Variants in HUNK observed in about 807,000 individuals in gnomAD.
HUNK encodes hormonally up-regulated neu tumor-associated kinase.
In HUNK, 21 loss-of-function variants were observed where a neutral mutation model predicts 61.0. That is an observed-to-expected ratio of 0.34 (90% CI 0.24 to 0.50). The LOEUF is 0.50. HUNK is among the 20% of genes least tolerant of loss of function. The probability of loss-of-function intolerance (pLI) is 0.98; values close to 1 mark genes in which losing one functional copy is unlikely to be tolerated. For missense variants in HUNK, 772 were observed against 945.7 expected (o/e 0.82, Z 2.41); for synonymous variants, 371 against 386.1 (o/e 0.96, Z 0.46).
chr21:31,911,937 C>CT (rs2052548624), intron 1 of HUNK, among the ~76,000 whole-genome samples: 7 of 96 alleles, frequency 0.073, no homozygotes, highest in South Asian at 0.38. Flanking sequence ...GGACGATAGT[C>CT]ACTGCCTTGG....
Position 32,000,571 on chromosome 21 carries a change from G to C in HUNK, c.*1387G>C, listed in dbSNP as rs2053239546. The C allele has an allele frequency of 7.5e-6, 3 of 399,166 alleles. No individual in the cohort carries two copies. Among genetic ancestry groups the C allele is most frequent in the Non-Finnish European group, 1.3e-5 (3 of 226,134 alleles). 24.7% of individuals were successfully genotyped at this position (399,166 alleles called of 1,614,324 possible). ...GGATAGGGGTTAGTGTAGGAGACCA[G>C]TTACAGAATGGCCTGGAGTCTTCAA... On this transcript the variant is annotated 3_prime_UTR_variant, in exon 11 of 11. Transcript: ENST00000270112.
intron 1 of HUNK, among the ~76,000 whole-genome samples, chr21:31,898,013 G>C (rs1205706858): frequency 6.6e-6 from 1 of 152,192 alleles, no homozygotes; most frequent in East Asian, 1.9e-4. Context: ...ACGTGGAGTA[G>C]GGATGCATTG....
chr21:31,879,191 T>C (rs2052287822), intron 1 of HUNK, among the ~76,000 whole-genome samples: 2 of 152,174 alleles, frequency 1.3e-5, no homozygotes, highest in South Asian at 4.1e-4. Context: ...AACAAACAGG[T>C]GCTAAATCCT....
intron 6 of HUNK, 184 bp from the exon 7 acceptor site, chr21:31,974,371 A>G (rs1016873912): frequency 1.0e-5 from 5 of 483,212 alleles, no homozygotes; most frequent in African/African-American, 9.9e-5. Flanking sequence ...TATCTAGATG[A>G]TGGTATACAT....
intron 8 of HUNK, among the ~76,000 whole-genome samples, chr21:31,989,264 A>G (rs1339402795): frequency 1.3e-5 from 2 of 152,236 alleles, no homozygotes; most frequent in African/African-American, 4.8e-5. Flanking sequence ...ACTTTAACCT[A>G]TGAATTTTAG....
intron 1 of HUNK, among the ~76,000 whole-genome samples, chr21:31,920,394 G>A (rs868278843): frequency 1.3e-5 from 2 of 152,182 alleles, no homozygotes; most frequent in African/African-American, 4.8e-5. Context: ...AACTATAATT[G>A]TGTACTCTGT....
At position 31,899,609 on chromosome 21, in the gene HUNK, A is replaced by T. The variant is rs568910714; in HGVS notation, c.262-24859A>T. 3.9e-5 allele frequency among the ~76,000 whole-genome samples: 6 copies of T among 152,250 alleles called. No individual in the cohort carries two copies. The South Asian group carries it at 1.2e-3, about 32-fold the overall frequency. ...TAGGACTTCAATGTATCTTTATGGG[A>T]AACCCAATTTAACCTATAATGTGTT... On this transcript the variant is annotated intron_variant, in intron 1 of 10. Transcript: ENST00000270112.
chr21:31,942,845 G>A (rs914467260), intron 3 of HUNK, among the ~76,000 whole-genome samples: 6 of 150,414 alleles, frequency 4.0e-5, no homozygotes, highest in East Asian at 2.0e-4. Flanking sequence ...AGTGGAAACT[G>A]AGGAACCCTA....
At chr21:31,876,967 C>G (rs940159162) in intron 1 of HUNK, among the ~76,000 whole-genome samples, 7 of 152,094 alleles carry the variant, frequency 4.6e-5, no homozygotes, top group Non-Finnish European at 1.0e-4. Flanking sequence ...ATAAAGGATC[C>G]ATTCCACATT....
At chr21:31,956,375 G>T (rs1336743945) in intron 4 of HUNK, among the ~76,000 whole-genome samples, 1 of 152,136 alleles carries the variant, frequency 6.6e-6, no homozygotes, top group Non-Finnish European at 1.5e-5. Context: ...GTGCCAGAAG[G>T]TTTCCATCCA....
intron 7 of HUNK, among the ~76,000 whole-genome samples, chr21:31,977,492 A>G (rs1422053558): frequency 6.6e-6 from 1 of 152,172 alleles, no homozygotes; most frequent in Non-Finnish European, 1.5e-5. Context: ...AGTTCCAAAC[A>G]TTTTTCTTTT....
At chr21:31,898,519 G>A (rs780375022) in intron 1 of HUNK, among the ~76,000 whole-genome samples, 3 of 152,116 alleles carry the variant, frequency 2.0e-5, no homozygotes, top group Non-Finnish European at 4.4e-5. Context: ...TGCCCACCTC[G>A]GCTTCCCAAA....
intron 8 of HUNK, among the ~76,000 whole-genome samples, chr21:31,988,793 C>T (rs976085417): frequency 4.8e-5 from 7 of 147,364 alleles, no homozygotes; most frequent in Non-Finnish European, 1.0e-4. Flanking sequence ...TCTTTTTCTG[C>T]CTTCCCTCTC....
At chr21:31,966,626 C>T (rs1355832171) in intron 5 of HUNK, among the ~76,000 whole-genome samples, 1 of 152,088 alleles carries the variant, frequency 6.6e-6, no homozygotes, top group African/African-American at 2.4e-5. Context: ...CTCATTTTTA[C>T]CCTGCAGAAA....
intron 3 of HUNK, among the ~76,000 whole-genome samples, chr21:31,944,691 A>T (rs886239331): frequency 6.6e-6 from 1 of 152,188 alleles, no homozygotes; most frequent in African/African-American, 2.4e-5. Flanking sequence ...TCATAAAAAA[A>T]CAAAAGAAGA....
At chr21:31,951,482 C>T (rs1353641379) in intron 4 of HUNK, among the ~76,000 whole-genome samples, 2 of 152,046 alleles carry the variant, frequency 1.3e-5, no homozygotes, top group Non-Finnish European at 2.9e-5. Flanking sequence ...AGTTCTATAC[C>T]GAGAAGATTG....
chr21:31,990,234 A>C, intron 9 of HUNK, 58 bp downstream of exon 9: 11 of 1,392,480 alleles, frequency 7.9e-6, no homozygotes, highest in Non-Finnish European at 1.1e-5. Context: ...CAGAACCAAT[A>C]GAGTATGGAG....
At chr21:31,880,901 C>T (rs979076128) in intron 1 of HUNK, among the ~76,000 whole-genome samples, 2 of 152,196 alleles carry the variant, frequency 1.3e-5, no homozygotes, top group East Asian at 1.9e-4. Flanking sequence ...GCTCCAATAC[C>T]GCTCTCAGCC....
At chr21:31,884,053 G>C (rs1420189449) in intron 1 of HUNK, among the ~76,000 whole-genome samples, 1 of 152,164 alleles carries the variant, frequency 6.6e-6, no homozygotes, top group Non-Finnish European at 1.5e-5. Flanking sequence ...GACTCTTGCT[G>C]GTTTAAGTAA....
Sources: allele counts gnomAD v4.1 joint callset (sites outside exome capture counted in the v4.1 genomes callset), GRCh38; gene constraint gnomAD v4.1.1; transcripts MANE v1.5; gene names NCBI Gene and HGNC (gene_info 2026-07-23, HGNC 2026-07-21).